Variants in ETF1 observed in about 807,000 individuals in gnomAD.
ETF1 encodes the protein eukaryotic translation termination factor 1, also known as eukaryotic peptide chain release factor subunit 1.
ETF1 carries 4 observed loss-of-function variants against 55.1 expected under a neutral mutation model. The ratio of observed to expected loss-of-function variants is 0.07; its 90% confidence interval spans 0.04 to 0.17. The LOEUF (loss-of-function observed/expected upper bound fraction) is 0.17. ETF1 is among the 10% of genes least tolerant of loss of function. The pLI, the probability that ETF1 is intolerant of heterozygous loss-of-function variation, is 1.00. For synonymous variants in ETF1, 157 were observed against 182.3 expected, an observed-to-expected ratio of 0.86 and a Z score of 1.12; for missense variants, 142 against 523.6, an observed-to-expected ratio of 0.27 and a Z score of 7.11.
chr5:138,542,826 C>T lies in ETF1; in HGVS notation c.86+7G>A. 4.3e-6 allele frequency: 7 copies of T among 1,612,138 alleles called. No individual in the cohort carries two copies. The highest frequency in any genetic ancestry group is 5.1e-6 in the Non-Finnish European group (6 of 1,179,652). Reference sequence around the variant, plus strand: ...AGGGCACGGAGGGTGCCGGACGCGGCGCTCACCCGCGGGCCGCCTCCAAGC... The same window carrying T: ...AGGGCACGGAGGGTGCCGGACGCGGTGCTCACCCGCGGGCCGCCTCCAAGC... On this transcript the variant is annotated splice_region_variant and intron_variant, in intron 2 of 10. Coordinates refer to ENST00000360541, the MANE Select transcript of ETF1 (RefSeq NM_004730.4).
intron 2 of ETF1, among the ~76,000 whole-genome samples, chr5:138,524,912 CT>C (rs763839038): frequency 2.0e-5 from 3 of 150,214 alleles, no homozygotes; most frequent in African/African-American, 2.4e-5. Flanking sequence ...CTTCCTTTCC[CT>C]TTTTTTTTCT....
chr5:138,528,096 G>A (rs1434971616), intron 2 of ETF1, among the ~76,000 whole-genome samples: 1 of 152,048 alleles, frequency 6.6e-6, no homozygotes, highest in Non-Finnish European at 1.5e-5. Context: ...AAAAGGTGTT[G>A]GTTTTTTAAA....
At chr5:138,522,601 A>T (rs747803144) in intron 2 of ETF1, among the ~76,000 whole-genome samples, 23 of 152,084 alleles carry the variant, frequency 1.5e-4, no homozygotes, top group Non-Finnish European at 2.2e-4. Context: ...AACAAAACAA[A>T]CGAAAAAAAG....
intron 2 of ETF1, among the ~76,000 whole-genome samples, chr5:138,528,436 G>C (rs902947584): frequency 2.0e-5 from 3 of 152,144 alleles, no homozygotes; most frequent in Non-Finnish European, 2.9e-5. Context: ...AGCCCAGTTG[G>C]GCAACCTTAC....
intron 3 of ETF1, among the ~76,000 whole-genome samples, chr5:138,518,183 A>G: frequency 7.1e-6 from 1 of 140,486 alleles, no homozygotes. Context: ...TGGGTGACAG[A>G]GCAAGACTCT....
rs1022463397 is a variant in ETF1 at position 138,512,401 on chromosome 5, G to A, written c.732+363C>T. ...TTTAGGCTGAATCAGCTGTCATACT[G>A]CTGAGAGCTTTGCTGCTATGTATCT... On this transcript the variant is annotated intron_variant, in intron 6 of 10. Transcript: ENST00000360541. Among the ~76,000 whole-genome samples, 7 of 150,618 alleles carry A rather than the reference G, an allele frequency of 4.6e-5. No individual in the cohort carries two copies. The East Asian group carries it at 1.4e-3, about 29-fold the overall frequency.
At chr5:138,542,586 C>A in intron 2 of ETF1, 1 of 1,386,552 alleles carries the variant, frequency 7.2e-7, no homozygotes, top group Non-Finnish European at 9.3e-7. Context: ...CGGTGGCCTA[C>A]CACGAGGGGG....
At position 138,534,950 on chromosome 5, in the gene ETF1, T is replaced by G. The variant is rs930758528; in HGVS notation, c.86+7883A>C. On this transcript the variant is annotated intron_variant, in intron 2 of 10. Transcript: ENST00000360541. ...GGGTCAAATGTATGCTTACTCATCC[T>G]CAGAAAACTAGTTTCTTTTTTTTTT... 3.5e-4 allele frequency among the ~76,000 whole-genome samples: 53 copies of G among 149,896 alleles called. 1 individual carries two copies. Among genetic ancestry groups the G allele is most frequent in the African/African-American group, 1.3e-3 (53 of 40,562 alleles).
intron 2 of ETF1, chr5:138,541,846 T>C: frequency 3.2e-6 from 1 of 315,816 alleles, no homozygotes; most frequent in African/African-American, 2.2e-5. Context: ...GAAACAGGAA[T>C]ACCCCTGGCA....
intron 6 of ETF1, 135 bp downstream of exon 6, chr5:138,512,629 A>T (rs1764865605): frequency 1.5e-6 from 1 of 650,054 alleles, no homozygotes; most frequent in Non-Finnish European, 2.5e-6. Context: ...ACATCTGTAA[A>T]CCTGCTGTTT....
At chr5:138,535,300 G>A (rs1765872936) in intron 2 of ETF1, among the ~76,000 whole-genome samples, 1 of 150,664 alleles carries the variant, frequency 6.6e-6, no homozygotes, top group African/African-American at 2.4e-5. Context: ...CCCCCATGAA[G>A]CAGATGGGGA....
At chr5:138,510,113 T>G (rs1435519404) in intron 9 of ETF1, among the ~76,000 whole-genome samples, 1 of 150,208 alleles carries the variant, frequency 6.7e-6, no homozygotes, top group Non-Finnish European at 1.5e-5. Context: ...ATCCCACCAC[T>G]TGGGAGGCCG....
chr5:138,514,973 T>A (rs910664660), intron 4 of ETF1, among the ~76,000 whole-genome samples: 9 of 151,662 alleles, frequency 5.9e-5, no homozygotes, highest in African/African-American at 1.9e-4. Context: ...CTGATCCTCC[T>A]CTTTGGCCTC....
At chr5:138,529,693 AG>A (rs1223673966) in intron 2 of ETF1, 7 of 984,680 alleles carry the variant, frequency 7.1e-6, no homozygotes, top group Non-Finnish European at 8.4e-6. Flanking sequence ...AAAATCAAAC[AG>A]GTGAAAAAAA....
chr5:138,512,225 A>AAAATAT (rs1764823149), intron 6 of ETF1, among the ~76,000 whole-genome samples: 2 of 44,128 alleles, frequency 4.5e-5, no homozygotes, highest in African/African-American at 2.6e-4. Context: ...AAAAAAAAAA[A>AAAATAT]ATATATATAT....
Position 138,511,662 on chromosome 5 carries a change from A to T in ETF1, c.733-58T>A, listed in dbSNP as rs921271650. 3 of 1,515,820 alleles carry T rather than the reference A, an allele frequency of 2.0e-6. No homozygotes were observed. In the East Asian group the frequency reaches 7.3e-5, roughly 37 times the overall value. The allele number at this position is 1,515,820 out of a possible 1,614,324, so 93.9% of individuals were successfully genotyped here. On this transcript the variant is annotated intron_variant, in intron 6 of 10. Coordinates refer to ENST00000360541, the MANE Select transcript of ETF1 (RefSeq NM_004730.4). ...CTGGTACTTATTTAAAATATTATTA[A>T]AACACCTTTACTCAAACCCACTAAC...
At chr5:138,509,115 G>A in intron 9 of ETF1, 3 of 985,218 alleles carry the variant, frequency 3.0e-6, no homozygotes, top group South Asian at 4.7e-5. Flanking sequence ...AAGTCAGGCT[G>A]TTGTAGTGTC....
intron 2 of ETF1, chr5:138,529,553 A>ACAG: frequency 1.1e-5 from 11 of 980,666 alleles, no homozygotes; most frequent in Non-Finnish European, 1.3e-5. Context: ...GAGACAACAT[A>ACAG]CAGCAATGTA....
chr5:138,538,996 A>C (rs927356953), intron 2 of ETF1, among the ~76,000 whole-genome samples: 1 of 152,238 alleles, frequency 6.6e-6, no homozygotes, highest in African/African-American at 2.4e-5. Flanking sequence ...GATATCAACA[A>C]GTTATTTTTA....
Sources: gnomAD v4.1 joint callset for allele counts (sites outside exome capture counted in the v4.1 genomes callset) on GRCh38, gnomAD v4.1.1 for gene constraint, MANE v1.5 for transcripts, NCBI Gene and HGNC (gene_info 2026-07-23, HGNC 2026-07-21) for gene names.